The following TGFBR3 variants were observed in gnomAD, a reference collection of about 807,000 sequenced individuals.
The protein encoded by TGFBR3 is transforming growth factor beta receptor 3.
In TGFBR3, 46 loss-of-function variants were observed where a neutral mutation model predicts 87.9. The ratio of observed to expected loss-of-function variants is 0.52; its 90% CI spans 0.41 to 0.67. The LOEUF (loss-of-function observed/expected upper bound fraction) is 0.67, where lower values mean the gene tolerates loss of function less well. Among genes scored for constraint, TGFBR3 ranks in the 30% least tolerant of loss-of-function variants. The pLI is 0.00. For synonymous variants in TGFBR3, 381 were observed against 391.6 expected (o/e 0.97, Z 0.32); for missense variants, 866 against 1,041.9 (o/e 0.83, Z 2.32).
chr1:91,860,700 G>A (rs1557749493), intron 2 of TGFBR3, among the ~76,000 whole-genome samples: 1 of 152,080 alleles, frequency 6.6e-6, no homozygotes, highest in Non-Finnish European at 1.5e-5. Flanking sequence ...GGGAGACCAA[G>A]GTAGGCGGAT....
At chr1:91,691,203 C>T (rs894578066) in intron 16 of TGFBR3, among the ~76,000 whole-genome samples, 7 of 151,514 alleles carry the variant, frequency 4.6e-5, no homozygotes, top group African/African-American at 9.7e-5. Context: ...AAAATGATTT[C>T]TAAAATGAGA....
At chr1:91,819,292 C>T (rs1676358465) in intron 2 of TGFBR3, among the ~76,000 whole-genome samples, 1 of 151,888 alleles carries the variant, frequency 6.6e-6, no homozygotes, top group Non-Finnish European at 1.5e-5. Context: ...CACTTGAACT[C>T]GAGAGGCAGG....
chr1:91,753,390 CAAAAAAAAAAAAAAAAA>C (rs71586711), intron 4 of TGFBR3, among the ~76,000 whole-genome samples: 1 of 52,354 alleles, frequency 1.9e-5, no homozygotes, highest in Non-Finnish European at 3.1e-5. Flanking sequence ...ACTCTGTCCT[CAAAAAAAAAAAAAAAAA>C]AAAAAAAAAA....
chr1:91,767,669 T>C lies in TGFBR3; in HGVS notation c.247-8919A>G, dbSNP rs1292362833. On this transcript the variant is annotated intron_variant, in intron 3 of 16. Coordinates refer to ENST00000212355, the MANE Select transcript of TGFBR3 (RefSeq NM_003243.5). Reference sequence around the variant, plus strand: ...GAATGAATGTCTCTCCCTGTCTGTCTGTCTGTCTCTCCCCCTACCTACCCA... The same window carrying C: ...GAATGAATGTCTCTCCCTGTCTGTCCGTCTGTCTCTCCCCCTACCTACCCA... Among the ~76,000 whole-genome samples the C allele has an allele frequency of 2.9e-5, 3 of 102,076 alleles. 1 individual carries two copies. The highest frequency in any genetic ancestry group is 7.4e-5 in the African/African-American group (2 of 26,872). 67.0% of individuals were successfully genotyped at this position (102,076 alleles called of 152,430 possible).
intron 3 of TGFBR3, among the ~76,000 whole-genome samples, chr1:91,767,339 G>T (rs967889436): frequency 1.5e-5 from 2 of 133,272 alleles, no homozygotes; most frequent in Admixed American, 7.6e-5. Flanking sequence ...AATTCTTTAG[G>T]AGTACAGTGT....
chr1:91,803,957 C>T (rs1048203372), intron 2 of TGFBR3, among the ~76,000 whole-genome samples: 1 of 152,174 alleles, frequency 6.6e-6, no homozygotes, highest in African/African-American at 2.4e-5. Context: ...ACTGCAAACA[C>T]CACGAAAGAA....
At chr1:91,716,432 A>G in intron 11 of TGFBR3, 38 bp from the exon 12 acceptor site, 1 of 1,614,160 alleles carries the variant, frequency 6.2e-7, no homozygotes, top group African/African-American at 1.3e-5. Context: ...AATGACAGTC[A>G]TATGAAGGAT....
At position 91,682,314 on chromosome 1, in the gene TGFBR3, GT is replaced by G. The variant is rs1670934787; in HGVS notation, c.*1424del. On this transcript the variant is annotated 3_prime_UTR_variant, in exon 17 of 17. Transcript: ENST00000212355. ...TGTTCTACTTATGGAATTCTAAGTTGTTTGGGGGAAATTCTGGAAAAAGAAT... is the reference window on the plus strand; with the variant it reads ...TGTTCTACTTATGGAATTCTAAGTTGTTGGGGGAAATTCTGGAAAAAGAAT... 1 of 452,050 alleles carries G rather than the reference GT, an allele frequency of 2.2e-6. No homozygotes were observed. The highest frequency in any genetic ancestry group is 2.0e-5 in the African/African-American group (1 of 49,408). 28.0% of individuals were successfully genotyped at this position (452,050 alleles called of 1,614,324 possible). A position where few individuals can be genotyped will look rare whatever the true frequency, so the allele number is the denominator to read the frequency against.
intron 14 of TGFBR3, among the ~76,000 whole-genome samples, chr1:91,702,192 A>T (rs535267388): frequency 6.6e-6 from 1 of 152,298 alleles, no homozygotes; most frequent in South Asian, 2.1e-4. Context: ...AGATTGAGAA[A>T]CTTTGCACTA....
At chr1:91,704,871 AC>A (rs1170866238) in intron 14 of TGFBR3, among the ~76,000 whole-genome samples, 1 of 152,230 alleles carries the variant, frequency 6.6e-6, no homozygotes, top group East Asian at 1.9e-4. Flanking sequence ...TTTCCTGTCC[AC>A]AGAAGAAACA....
chr1:91,709,543 T>C (rs563943072), intron 13 of TGFBR3, among the ~76,000 whole-genome samples: 11 of 152,200 alleles, frequency 7.2e-5, no homozygotes, highest in Non-Finnish European at 1.3e-4. Flanking sequence ...TATAGGCTCA[T>C]GTAAAACTAA....
chr1:91,868,456 T>A (rs1678459502), intron 1 of TGFBR3, among the ~76,000 whole-genome samples: 1 of 152,214 alleles, frequency 6.6e-6, no homozygotes, highest in South Asian at 2.1e-4. Flanking sequence ...AAGATACTCA[T>A]AATGTAGCAA....
chr1:91,682,875 C>T lies in TGFBR3; in HGVS notation c.*864G>A, dbSNP rs1474543567. The T allele has an allele frequency of 4.4e-6, 2 of 452,896 alleles. No individual in the cohort carries two copies. Among genetic ancestry groups the T allele is most frequent in the Non-Finnish European group, 8.9e-6 (2 of 225,616 alleles). The allele number at this position is 452,896 out of a possible 1,614,324, so 28.1% of individuals were successfully genotyped here. A position where few individuals can be genotyped will look rare whatever the true frequency, so the allele number is the denominator to read the frequency against. On this transcript the variant is annotated 3_prime_UTR_variant, in exon 17 of 17. Transcript: ENST00000212355. ...ATACACATAGAAATATATCACTGTG[C>T]AAATTCGTCCTTGACTTTATAACTG...
rs1672697348 is a variant in TGFBR3 at position 91,729,764 on chromosome 1, C to T, written c.737+41G>A. The T allele has an allele frequency of 3.7e-6, 6 of 1,612,422 alleles. No homozygotes were observed. The South Asian group carries it at 5.5e-5, about 15-fold the overall frequency. On this transcript the variant is annotated intron_variant, in intron 6 of 16. Coordinates refer to ENST00000212355, the MANE Select transcript of TGFBR3 (RefSeq NM_003243.5). ...TGCCTCAAGTCAAGGAAGATCTTTA[C>T]TTTCATCTCTTGTCACACTCACACA...
intron 1 of TGFBR3, among the ~76,000 whole-genome samples, chr1:91,872,132 G>A (rs534679215): frequency 3.3e-5 from 5 of 152,236 alleles, no homozygotes; most frequent in Non-Finnish European, 5.9e-5. Flanking sequence ...TGCCTTTCTT[G>A]GCTGGGCTTC....
intron 4 of TGFBR3, among the ~76,000 whole-genome samples, chr1:91,745,890 T>C (rs1053988010): frequency 4.6e-5 from 7 of 152,206 alleles, no homozygotes; most frequent in Admixed American, 2.0e-4. Flanking sequence ...AATCATGCAT[T>C]CATGAAACAC....
At chr1:91,800,330 A>ATGTGTGTGTGTGTG (rs371979320) in intron 2 of TGFBR3, among the ~76,000 whole-genome samples, 1 of 136,220 alleles carries the variant, frequency 7.3e-6, no homozygotes, top group African/African-American at 2.9e-5. Flanking sequence ...ATATGTGTAT[A>ATGTGTGTGTGTGTG]TGTGTGTGTG....
chr1:91,752,489 A>C (rs748965306), intron 4 of TGFBR3, among the ~76,000 whole-genome samples: 2 of 152,226 alleles, frequency 1.3e-5, no homozygotes, highest in African/African-American at 4.8e-5. Flanking sequence ...GGTTGGAAGA[A>C]GCTGCTTATT....
rs575125174 is a variant in TGFBR3, at chr1:91,901,953, A to C, written c.-174-2256T>G. Among the ~76,000 whole-genome samples the C allele has an allele frequency of 9.0e-3, 1,366 of 151,702 alleles. 22 individuals are homozygous for C. The highest frequency in any genetic ancestry group is 0.031 in the African/African-American group (1,270 of 41,392). On this transcript the variant is annotated intron_variant, in intron 1 of 17. Coordinates refer to the TGFBR3 transcript ENST00000370399. ...CCACCCCACCAAAAGAAAAAAAAAAAAACGGTATGTGTTCACTGATACTCA... is the reference window on the plus strand; with the variant it reads ...CCACCCCACCAAAAGAAAAAAAAAACAACGGTATGTGTTCACTGATACTCA...
Sources: gnomAD v4.1 joint callset for allele counts (sites outside exome capture counted in the v4.1 genomes callset) on GRCh38, gnomAD v4.1.1 for gene constraint, MANE v1.5 for transcripts, NCBI Gene and HGNC (gene_info 2026-07-23, HGNC 2026-07-21) for gene names.